The following SLC12A2 variants were observed in gnomAD, a reference collection of about 807,000 sequenced individuals.
SLC12A2 encodes the protein Na-K-2Cl cotransporter 1.
Under a neutral mutation model 136.3 loss-of-function variants are expected in SLC12A2, and 67 were observed. That is an observed-to-expected ratio of 0.49 (90% CI 0.40 to 0.60). The LOEUF is 0.60. SLC12A2 is among the 20% of genes least tolerant of loss of function. SLC12A2 has a pLI of 0.00. For missense variants in SLC12A2, 1,322 were observed against 1,534.7 expected (o/e 0.86, Z 2.32); for synonymous variants, 619 against 562.9 (o/e 1.10, Z -1.41).
chr5:128,182,782 T>C, intron 23 of SLC12A2, 73 bp from the exon 24 acceptor site: 3 of 1,025,554 alleles, frequency 2.9e-6, no homozygotes, highest in Non-Finnish European at 4.4e-6. Flanking sequence ...AAATCATGCT[T>C]TTTAGATATA....
At chr5:128,113,413 T>G (rs1761228177) in intron 2 of SLC12A2, among the ~76,000 whole-genome samples, 1 of 152,182 alleles carries the variant, frequency 6.6e-6, no homozygotes, top group African/African-American at 2.4e-5. Flanking sequence ...TGAGTTCACT[T>G]TGTGCATAGA....
intron 4 of SLC12A2, among the ~76,000 whole-genome samples, chr5:128,130,421 A>G (rs1251298226): frequency 6.6e-6 from 1 of 150,642 alleles, no homozygotes; most frequent in African/African-American, 2.4e-5. Flanking sequence ...AGGCTGAGGC[A>G]GGAGAATCAC....
chr5:128,085,648 A>G (rs1432981088), intron 1 of SLC12A2, among the ~76,000 whole-genome samples: 1 of 152,240 alleles, frequency 6.6e-6, no homozygotes, highest in Non-Finnish European at 1.5e-5. Context: ...ACAAGTGTGT[A>G]ATGACTACAT....
At chr5:128,098,340 A>G (rs1365267028) in intron 1 of SLC12A2, among the ~76,000 whole-genome samples, 1 of 151,948 alleles carries the variant, frequency 6.6e-6, no homozygotes, top group Non-Finnish European at 1.5e-5. Flanking sequence ...TCATTTCTCT[A>G]TTAGATTCCA....
At chr5:128,144,610 AAATC>A (rs748176483) in intron 10 of SLC12A2, among the ~76,000 whole-genome samples, 19 of 152,218 alleles carry the variant, frequency 1.2e-4, no homozygotes, top group Non-Finnish European at 2.5e-4. Context: ...TCTTTAGTCT[AAATC>A]AGTCAGAGCC....
chr5:128,107,135 C>CT (rs1760967922), intron 1 of SLC12A2, among the ~76,000 whole-genome samples: 1 of 152,130 alleles, frequency 6.6e-6, no homozygotes, highest in Non-Finnish European at 1.5e-5. Context: ...TCATCAATCC[C>CT]TATTCAGAGT....
At chr5:128,094,566 A>G (rs191071654) in intron 1 of SLC12A2, among the ~76,000 whole-genome samples, 104 of 152,098 alleles carry the variant, frequency 6.8e-4, no homozygotes, top group African/African-American at 2.4e-3. Context: ...TCTTTTTTAA[A>G]TACTCATGAC....
chr5:128,135,020 T>G (rs1317356669), intron 6 of SLC12A2, among the ~76,000 whole-genome samples: 3 of 152,136 alleles, frequency 2.0e-5, no homozygotes, highest in African/African-American at 7.2e-5. Context: ...TTTTACAAAT[T>G]GACTGTATGA....
At chr5:128,109,577 A>G in intron 1 of SLC12A2, 5 of 716,816 alleles carry the variant, frequency 7.0e-6, no homozygotes, top group Admixed American at 5.5e-5. Context: ...GGAGAAGAGC[A>G]AAATATGGGG....
chr5:128,179,267 T>G (rs1763626085), intron 22 of SLC12A2, among the ~76,000 whole-genome samples: 1 of 152,220 alleles, frequency 6.6e-6, no homozygotes, highest in Non-Finnish European at 1.5e-5. Flanking sequence ...CCATTGATGT[T>G]TCTGCCTGAA....
intron 4 of SLC12A2, among the ~76,000 whole-genome samples, chr5:128,130,137 G>A (rs181584280): frequency 3.9e-5 from 6 of 152,126 alleles, no homozygotes; most frequent in East Asian, 1.9e-4. Context: ...AAGGCTGGGC[G>A]TGGTGGCTCA....
chr5:128,177,298 AT>A, intron 21 of SLC12A2, 146 bp downstream of exon 21: 1 of 537,314 alleles, frequency 1.9e-6, no homozygotes, highest in Non-Finnish European at 3.3e-6. Context: ...TAGAAAAATT[AT>A]TATTAGTCTA....
At chr5:128,135,338 G>A (rs933713162) in intron 6 of SLC12A2, among the ~76,000 whole-genome samples, 1 of 152,032 alleles carries the variant, frequency 6.6e-6, no homozygotes, top group African/African-American at 2.4e-5. Context: ...TGTCAAGATG[G>A]TAGTGTTAAG....
At chr5:128,109,382 C>T (rs931969359) in intron 1 of SLC12A2, 2 of 320,798 alleles carry the variant, frequency 6.2e-6, no homozygotes, top group Middle Eastern at 1.1e-3. Context: ...GCTTTGGAGT[C>T]GCTGTGATTG....
At chr5:128,182,989 GAC>G (rs770116163) in intron 24 of SLC12A2, 48 bp downstream of exon 24, 1 of 1,118,998 alleles carries the variant, frequency 8.9e-7, no homozygotes, top group East Asian at 2.4e-5. Context: ...GGCCTACTCA[GAC>G]ACAGATTCAA....
intron 22 of SLC12A2, 129 bp from the exon 23 acceptor site, chr5:128,180,754 A>G: frequency 1.6e-6 from 1 of 625,008 alleles, no homozygotes. Flanking sequence ...TGACTGAATT[A>G]TCAAGGAAGG....
chr5:128,138,285 T>C (rs1762249463), intron 7 of SLC12A2, among the ~76,000 whole-genome samples: 1 of 152,072 alleles, frequency 6.6e-6, no homozygotes, highest in African/African-American at 2.4e-5. Context: ...ACCTCAGAGA[T>C]TGAGGGGATT....
chr5:128,114,168 T>G, intron 2 of SLC12A2, 44 bp from the exon 3 acceptor site: 1 of 1,354,114 alleles, frequency 7.4e-7, no homozygotes, highest in Non-Finnish European at 1.1e-6. Flanking sequence ...TAATGTTTGA[T>G]TATTCTTCTT....
At chr5:128,108,049 T>G (rs999272913) in intron 1 of SLC12A2, among the ~76,000 whole-genome samples, 1 of 152,140 alleles carries the variant, frequency 6.6e-6, no homozygotes, top group Non-Finnish European at 1.5e-5. Flanking sequence ...TGAGCATTTT[T>G]TCATATGTTT....
Sources: gnomAD v4.1 joint callset for allele counts (sites outside exome capture counted in the v4.1 genomes callset) on GRCh38, gnomAD v4.1.1 for gene constraint, MANE v1.5 for transcripts, NCBI Gene and HGNC (gene_info 2026-07-23, HGNC 2026-07-21) for gene names.